Variants in UBE2E1 observed in about 807,000 individuals in gnomAD.
The protein encoded by UBE2E1 is ubiquitin-conjugating enzyme E2 E1.
Under a neutral mutation model 21.4 loss-of-function variants are expected in UBE2E1, and 6 were observed. The observed-to-expected ratio is 0.28, with a 90% CI of 0.15 to 0.55. The LOEUF (loss-of-function observed/expected upper bound fraction) is 0.55, where lower values mean the gene tolerates loss of function less well. UBE2E1 is among the 20% of genes least tolerant of loss of function. The pLI is 0.93. For synonymous variants in UBE2E1, 87 were observed against 82.7 expected (o/e 1.05, Z -0.28); for missense variants, 142 against 236.5 (o/e 0.60, Z 2.62).
At position 23,890,801 on chromosome 3, in the gene UBE2E1, T is replaced by G; in HGVS notation, c.*195T>G. 2.2e-6 allele frequency: 1 copy of G among 451,766 alleles called. No homozygotes were observed. The highest frequency in any genetic ancestry group is 3.8e-6 in the Non-Finnish European group (1 of 260,714). 28.0% of individuals were successfully genotyped at this position (451,766 alleles called of 1,614,324 possible). On this transcript the variant is annotated 3_prime_UTR_variant, in exon 6 of 6. Transcript: ENST00000306627. ...AGTAGACAGAATTGGTAATAGCAAC[T>G]TTTAAAATTGTCATTAGTTCTGCAA...
At chr3:23,890,445 T>G in intron 5 of UBE2E1, 64 bp from the exon 6 acceptor site, 1 of 1,523,012 alleles carries the variant, frequency 6.6e-7, no homozygotes, top group Non-Finnish European at 9.0e-7. Flanking sequence ...AAGCTGTCAC[T>G]ATTCGCTAAA....
chr3:23,855,166 T>G lies in UBE2E1; in HGVS notation c.204-32401T>G, dbSNP rs1700407559. ...ATTAAAAGCAGTCTTTGGGTTTAAG[T>G]AGGTAGATCTCAAAAGTGTCTTTTT... On this transcript the variant is annotated intron_variant, in intron 3 of 5. Coordinates refer to ENST00000306627, the MANE Select transcript of UBE2E1 (RefSeq NM_003341.5). 2.0e-5 allele frequency among the ~76,000 whole-genome samples: 3 copies of G among 152,348 alleles called. No homozygotes were observed. In the South Asian group the frequency reaches 6.2e-4, roughly 32 times the overall value.
rs1699259537 is a variant in UBE2E1, at chr3:23,806,151, C to T, written c.-34+63C>T. The T allele has an allele frequency of 6.8e-6, 1 of 147,234 alleles. No homozygotes were observed. Among genetic ancestry groups the T allele is most frequent in the South Asian group, 2.1e-4 (1 of 4,794 alleles). 9.1% of individuals were successfully genotyped at this position (147,234 alleles called of 1,614,324 possible). A position where few individuals can be genotyped will look rare whatever the true frequency, so the allele number is the denominator to read the frequency against. On this transcript the variant is annotated intron_variant, in intron 1 of 5. Transcript: ENST00000306627. This position sits in a 1 kb window ranked among gnomAD's most constrained non-coding sequence, Gnocchi z 6.5. ...CGCGCCGCCGGGCCTCGGGGACACC[C>T]CTCGCCGCCTCCCCCGACTCGCGCC...
At chr3:23,852,139 T>C (rs1044776898) in intron 3 of UBE2E1, among the ~76,000 whole-genome samples, 2 of 152,196 alleles carry the variant, frequency 1.3e-5, no homozygotes, top group African/African-American at 4.8e-5. Flanking sequence ...GCACTATGCT[T>C]CTTGTACAAC....
intron 3 of UBE2E1, among the ~76,000 whole-genome samples, chr3:23,859,136 G>A (rs1223061209): frequency 6.6e-6 from 1 of 152,068 alleles, no homozygotes; most frequent in Non-Finnish European, 1.5e-5. Context: ...AAACACTCCT[G>A]GCCAAACAAT....
chr3:23,882,508 C>T lies in UBE2E1; in HGVS notation c.204-5059C>T, dbSNP rs372272832. ...TGCCGGGGCTGCGGGCGGAGCTGCCCGCCAGTCCCGCACTGTGCGCCCACA... is the reference window on the plus strand; with the variant it reads ...TGCCGGGGCTGCGGGCGGAGCTGCCTGCCAGTCCCGCACTGTGCGCCCACA... On this transcript the variant is annotated intron_variant, in intron 3 of 5. Transcript: ENST00000306627. Among the ~76,000 whole-genome samples the T allele has an allele frequency of 5.9e-5, 9 of 152,354 alleles. No homozygotes were observed. The South Asian group carries it at 6.2e-4, about 11-fold the overall frequency.
chr3:23,887,843 ACTT>A lies in UBE2E1; in HGVS notation c.336+148_336+150del, dbSNP rs1346046437. The stretch of plus-strand genomic sequence containing the variant: ...CTGAGTATTTTAACATATACAAAAC[ACTT>A]CTTTAGGTTGATTTTGCCTTATCTG... On this transcript the variant is annotated intron_variant, in intron 4 of 5. Transcript: ENST00000306627. This position sits in a 1 kb window ranked among gnomAD's most constrained non-coding sequence, Gnocchi z 4.4. 7.8e-6 allele frequency: 9 copies of A among 1,149,032 alleles called. No homozygotes were observed. In the East Asian group the frequency reaches 2.1e-4, roughly 27 times the overall value. The allele number at this position is 1,149,032 out of a possible 1,614,324, so 71.2% of individuals were successfully genotyped here. A position where few individuals can be genotyped will look rare whatever the true frequency, so the allele number is the denominator to read the frequency against.
chr3:23,829,630 G>T (rs953209696), intron 3 of UBE2E1, among the ~76,000 whole-genome samples: 3 of 152,100 alleles, frequency 2.0e-5, no homozygotes, highest in African/African-American at 7.2e-5. Flanking sequence ...GCTGAAGTGG[G>T]AAAGTTTACA....
At position 23,885,567 on chromosome 3, in the gene UBE2E1, T is replaced by TA. The variant is rs573145406; in HGVS notation, c.204-1994dup. Among the ~76,000 whole-genome samples the TA allele has an allele frequency of 1.8e-4, 27 of 152,164 alleles. 1 individual carries two copies. The East Asian group carries it at 4.4e-3, about 25-fold the overall frequency. On this transcript the variant is annotated intron_variant, in intron 3 of 5. Coordinates refer to ENST00000306627, the MANE Select transcript of UBE2E1 (RefSeq NM_003341.5). ...ATGACTTCATGGTGTAGACAATGTTTAAAAAATCTCTGGCCGGGTGCGATG... is the reference window on the plus strand; with the variant it reads ...ATGACTTCATGGTGTAGACAATGTTTAAAAAAATCTCTGGCCGGGTGCGATG...
At chr3:23,852,812 C>A (rs1700354559) in intron 3 of UBE2E1, among the ~76,000 whole-genome samples, 1 of 152,072 alleles carries the variant, frequency 6.6e-6, no homozygotes, top group African/African-American at 2.4e-5. Flanking sequence ...ACCATGTTGC[C>A]CAGGCTGGTC....
At chr3:23,831,619 T>C (rs893559857) in intron 3 of UBE2E1, among the ~76,000 whole-genome samples, 1 of 148,834 alleles carries the variant, frequency 6.7e-6, no homozygotes, top group Non-Finnish European at 1.5e-5. Flanking sequence ...CAGGCTCAGG[T>C]GATCCCCTCC....
intron 5 of UBE2E1, chr3:23,889,853 G>GCA (rs1487005149): frequency 2.8e-6 from 2 of 706,268 alleles, no homozygotes; most frequent in African/African-American, 3.9e-5. Context: ...GCATGTCACT[G>GCA]CACTGCATTC....
At chr3:23,813,787 C>T (rs917936679) in intron 3 of UBE2E1, among the ~76,000 whole-genome samples, 9 of 152,250 alleles carry the variant, frequency 5.9e-5, no homozygotes, top group East Asian at 5.8e-4. Flanking sequence ...GTGATCTGCC[C>T]GCCTTGGCCT....
intron 5 of UBE2E1, chr3:23,889,817 A>T (rs981037601): frequency 1.0e-6 from 1 of 959,320 alleles, no homozygotes; most frequent in South Asian, 4.8e-5. Context: ...TTGAACCCAG[A>T]AGGTCAAAGC....
chr3:23,860,010 C>T (rs1182949563), intron 3 of UBE2E1, among the ~76,000 whole-genome samples: 1 of 152,164 alleles, frequency 6.6e-6, no homozygotes, highest in Non-Finnish European at 1.5e-5. Flanking sequence ...CAGTTCAGAA[C>T]CACGTCCTGT....
intron 3 of UBE2E1, among the ~76,000 whole-genome samples, chr3:23,850,346 A>G (rs943153477): frequency 1.3e-5 from 2 of 152,034 alleles, no homozygotes; most frequent in African/African-American, 4.8e-5. Flanking sequence ...TATTAGATAC[A>G]TGATTTACAA....
chr3:23,842,244 TGTGTG>T lies in UBE2E1; in HGVS notation c.203+30739_203+30743del, dbSNP rs1386684748. ...GTGTGTGTGTGTGTGTGTGTGTGTG[TGTGTG>T]GTGTTGTTGTTGTTGGCGACAGGGT... is the stretch of plus-strand genomic sequence containing the variant. On this transcript the variant is annotated intron_variant, in intron 3 of 5. Coordinates refer to ENST00000306627, the MANE Select transcript of UBE2E1 (RefSeq NM_003341.5). The surrounding 1 kb of genome is among the most constrained non-coding windows in gnomAD (Gnocchi z 4.6). Among the ~76,000 whole-genome samples the T allele has an allele frequency of 5.0e-4, 31 of 62,508 alleles. No individual in the cohort carries two copies. Among genetic ancestry groups the T allele is most frequent in the South Asian group, 1.8e-3 (3 of 1,688 alleles). The allele number at this position is 62,508 out of a possible 152,430, so 41.0% of individuals were successfully genotyped here.
At chr3:23,809,084 A>C (rs1247116745) in intron 2 of UBE2E1, among the ~76,000 whole-genome samples, 1 of 152,182 alleles carries the variant, frequency 6.6e-6, no homozygotes, top group Non-Finnish European at 1.5e-5. Flanking sequence ...GAAGTTCTGG[A>C]AAAGAGATGA....
intron 3 of UBE2E1, among the ~76,000 whole-genome samples, chr3:23,835,382 C>G (rs765874052): frequency 6.6e-6 from 1 of 152,100 alleles, no homozygotes; most frequent in Non-Finnish European, 1.5e-5. Flanking sequence ...GTGGGAAGAT[C>G]ACTTGAGCCC....
Sources: gnomAD v4.1 joint callset for allele counts (sites outside exome capture counted in the v4.1 genomes callset) on GRCh38, gnomAD v4.1.1 for gene constraint, Gnocchi (gnomAD v3.1) non-coding constraint, MANE v1.5 for transcripts, NCBI Gene and HGNC (gene_info 2026-07-23, HGNC 2026-07-21) for gene names.